CNIH3: variants seen among roughly 807,000 people sequenced by gnomAD.
CNIH3 encodes protein cornichon homolog 3.
Under a neutral mutation model 24.1 loss-of-function variants are expected in CNIH3, and 14 were observed. That is an observed-to-expected ratio of 0.58 (90% CI 0.38 to 0.91). The LOEUF (loss-of-function observed/expected upper bound fraction) is 0.91, where lower values mean the gene tolerates loss of function less well. CNIH3 is among the 40% of genes least tolerant of loss of function. The pLI, the probability that CNIH3 is intolerant of heterozygous loss-of-function variation, is 0.00. For synonymous variants in CNIH3, 68 were observed against 73.8 expected (o/e 0.92, Z 0.40); for missense variants, 178 against 196.8 (o/e 0.90, Z 0.57).
intron 1 of CNIH3, among the ~76,000 whole-genome samples, chr1:224,636,241 A>G (rs987796166): frequency 8.6e-5 from 13 of 151,712 alleles, no homozygotes; most frequent in Admixed American, 8.5e-4. Flanking sequence ...CCATTTGCAT[A>G]TTTGTTTTCT....
Position 224,562,759 on chromosome 1 carries a change from C to T in CNIH3, n.451-3440C>T, listed in dbSNP as rs527569516. 4.1e-4 allele frequency among the ~76,000 whole-genome samples: 62 copies of T among 152,214 alleles called. 1 individual carries two copies. In the South Asian group the frequency reaches 0.013, roughly 31 times the overall value. On this transcript the variant is annotated intron_variant and non_coding_transcript_variant, in intron 3 of 5. Coordinates refer to the CNIH3 transcript ENST00000471578. The stretch of plus-strand genomic sequence containing the variant: ...TCACTGTCTCTCTCTTGCCCCGTCC[C>T]TCACCATATGACACACTGCTCTCCT...
At chr1:224,681,081 C>A in intron 2 of CNIH3, 55 bp downstream of exon 2, 1 of 1,431,256 alleles carries the variant, frequency 7.0e-7, no homozygotes. Context: ...CTACCCAGGG[C>A]CTGGGAAGGA....
chr1:224,604,869 T>C lies in CNIH3; in HGVS notation n.402+38605T>C, dbSNP rs74149619. Among the ~76,000 whole-genome samples, 3,965 of 151,974 alleles carry C rather than the reference T, an allele frequency of 0.026. 176 individuals carry two copies. The highest frequency in any genetic ancestry group is 0.091 in the African/African-American group (3,748 of 41,390). On this transcript the variant is annotated intron_variant and non_coding_transcript_variant, in intron 3 of 7. Coordinates refer to the CNIH3 transcript ENST00000478120. The surrounding 1 kb of genome is among the most constrained non-coding windows in gnomAD (Gnocchi z 4.4). ...TGAGGATACACTGGACATTGAACAG[T>C]GAGGAGGGCAGAGAAGAGTTTTACT...
At chr1:224,632,220 G>T (rs1465674469) in intron 1 of CNIH3, among the ~76,000 whole-genome samples, 1 of 152,168 alleles carries the variant, frequency 6.6e-6, no homozygotes, top group Non-Finnish European at 1.5e-5. Context: ...ATGTGGATGT[G>T]GATGAGGAGC....
chr1:224,611,019 AC>A (rs1185565434), intron 3 of CNIH3, among the ~76,000 whole-genome samples: 3 of 152,146 alleles, frequency 2.0e-5, no homozygotes, highest in African/African-American at 4.8e-5. Flanking sequence ...GGCTGCTCAA[AC>A]CCCCCTTCCT....
upstream of CNIH3, chr1:224,615,661 C>T (rs1682923776): frequency 6.6e-6 from 1 of 152,158 alleles, no homozygotes; most frequent in Non-Finnish European, 1.5e-5. Flanking sequence ...ACCAATACCA[C>T]CGAGCCCTCG....
chr1:224,687,378 A>G (rs2125152993), intron 3 of CNIH3, among the ~76,000 whole-genome samples: 1 of 152,144 alleles, frequency 6.6e-6, no homozygotes, highest in East Asian at 1.9e-4. Flanking sequence ...AGCTGCAGGC[A>G]TGCACCACCA....
Position 224,533,383 on chromosome 1 carries a change from G to A in CNIH3, n.344-3553G>A, listed in dbSNP as rs528701003. Among the ~76,000 whole-genome samples, 51 of 129,572 alleles carry A rather than the reference G, an allele frequency of 3.9e-4. 1 individual carries two copies. The highest frequency in any genetic ancestry group is 1.6e-3 in the African/African-American group (47 of 30,242). 85.0% of individuals were successfully genotyped at this position (129,572 alleles called of 152,430 possible). The stretch of plus-strand genomic sequence containing the variant: ...AATGAGCTCTGAAGAGTGAGAACCC[G>A]TCTCAAAAAAAAAAAAAAAAAATCA... On this transcript the variant is annotated intron_variant and non_coding_transcript_variant, in intron 2 of 2. Coordinates refer to the CNIH3 transcript ENST00000470602.
intron 1 of CNIH3, among the ~76,000 whole-genome samples, chr1:224,640,216 A>G (rs1475109683): frequency 6.6e-6 from 1 of 152,190 alleles, no homozygotes; most frequent in Non-Finnish European, 1.5e-5. Flanking sequence ...GTGTGCAAAC[A>G]TGACAGGACA....
intron 4 of CNIH3, among the ~76,000 whole-genome samples, chr1:224,577,034 C>T (rs1462448269): frequency 6.6e-6 from 1 of 152,136 alleles, no homozygotes; most frequent in African/African-American, 2.4e-5. Flanking sequence ...AAGCTGGCTC[C>T]TCATCTCTTA....
chr1:224,504,304 T>G (rs1189985088), intron 1 of CNIH3, among the ~76,000 whole-genome samples: 4 of 152,194 alleles, frequency 2.6e-5, no homozygotes, highest in Non-Finnish European at 5.9e-5. Context: ...TCAGTAAATG[T>G]TACCCATTGT....
intron 4 of CNIH3, among the ~76,000 whole-genome samples, chr1:224,581,092 T>C (rs1386005735): frequency 2.0e-5 from 3 of 152,180 alleles, no homozygotes; most frequent in Non-Finnish European, 4.4e-5. Flanking sequence ...GTTTTCTTTG[T>C]TTTTTTGTAA....
chr1:224,595,960 A>G (rs1315311371), intron 3 of CNIH3, among the ~76,000 whole-genome samples: 1 of 152,254 alleles, frequency 6.6e-6, no homozygotes, highest in Non-Finnish European at 1.5e-5. Context: ...TTAAGGAAAG[A>G]TGCCATCTTC....
chr1:224,708,020 C>T (rs766360086), intron 3 of CNIH3, among the ~76,000 whole-genome samples: 11 of 152,174 alleles, frequency 7.2e-5, no homozygotes, highest in African/African-American at 2.7e-4. Flanking sequence ...CTGACTCACC[C>T]CATCCTGCTC....
At chr1:224,513,308 C>T (rs1678233967), upstream of CNIH3, among the ~76,000 whole-genome samples, 1 of 109,606 alleles carries the variant, frequency 9.1e-6, no homozygotes, top group Admixed American at 1.3e-4. Context: ...ACCACCACAC[C>T]TGGTTAATTT....
chr1:224,602,551 A>G (rs1217644697), intron 3 of CNIH3, among the ~76,000 whole-genome samples: 1 of 152,210 alleles, frequency 6.6e-6, no homozygotes, highest in Non-Finnish European at 1.5e-5. Context: ...GAAGAATAAT[A>G]ATTTTTCCTT....
intron 3 of CNIH3, among the ~76,000 whole-genome samples, chr1:224,552,187 T>C (rs1679950280): frequency 6.6e-6 from 1 of 151,360 alleles, no homozygotes; most frequent in Non-Finnish European, 1.5e-5. Flanking sequence ...GAGTAATCTG[T>C]CTCCCTGAGA....
chr1:224,544,797 T>C (rs1037493702), intron 2 of CNIH3, among the ~76,000 whole-genome samples: 3 of 152,192 alleles, frequency 2.0e-5, no homozygotes, highest in Non-Finnish European at 2.9e-5. Flanking sequence ...TCACTATTGC[T>C]GTTGCTATTG....
intron 1 of CNIH3, among the ~76,000 whole-genome samples, chr1:224,441,705 CAG>C (rs1255083841): frequency 3.3e-5 from 5 of 152,084 alleles, no homozygotes; most frequent in African/African-American, 4.8e-5. Flanking sequence ...GCATTTAAAA[CAG>C]AAAAATTTTA....
Sources: allele counts gnomAD v4.1 joint callset (sites outside exome capture counted in the v4.1 genomes callset), GRCh38; gene constraint gnomAD v4.1.1; non-coding constraint Gnocchi (gnomAD v3.1); transcripts MANE v1.5; gene names NCBI Gene and HGNC (gene_info 2026-07-23, HGNC 2026-07-21).